The following SMCHD1 variants were observed in gnomAD, a reference collection of about 807,000 sequenced individuals.
SMCHD1 encodes structural maintenance of chromosomes flexible hinge domain-containing protein 1.
A neutral mutation model predicts 254.7 loss-of-function variants in SMCHD1; 78 were observed. The ratio of observed to expected loss-of-function variants is 0.31; its 90% confidence interval spans 0.26 to 0.37. SMCHD1 has a LOEUF of 0.37. SMCHD1 is among the 10% of genes least tolerant of loss of function. The pLI, the probability that SMCHD1 is intolerant of heterozygous loss-of-function variation, is 1.00. For missense variants in SMCHD1, 1,840 were observed against 2,408.1 expected (o/e 0.76, Z 4.94); for synonymous variants, 766 against 794.9 (o/e 0.96, Z 0.61).
At chr18:2,778,375 T>A in intron 44 of SMCHD1, 136 bp downstream of exon 44, 1 of 593,294 alleles carries the variant, frequency 1.7e-6, no homozygotes, top group Non-Finnish European at 2.8e-6. Context: ...AACATAAAAG[T>A]AGGCAAAACG....
intron 41 of SMCHD1, 38 bp downstream of exon 41, chr18:2,772,410 T>C: frequency 6.8e-7 from 1 of 1,472,472 alleles, no homozygotes; most frequent in African/African-American, 1.5e-5. Context: ...GCAGTACATT[T>C]TATTATCTTG....
intron 44 of SMCHD1, among the ~76,000 whole-genome samples, chr18:2,782,559 G>A (rs2076172235): frequency 6.6e-6 from 1 of 151,484 alleles, no homozygotes; most frequent in Non-Finnish European, 1.5e-5. Context: ...GGGCAACATA[G>A]TGAGACGCCA....
chr18:2,772,087 T>C (rs1367077954), intron 40 of SMCHD1, among the ~76,000 whole-genome samples, 163 bp from the exon 41 acceptor site: 3 of 151,988 alleles, frequency 2.0e-5, no homozygotes, highest in Non-Finnish European at 4.4e-5. Context: ...GTGTTTTCTT[T>C]GTGTGTGTGT....
Position 2,700,673 on chromosome 18 carries a change from T to A in SMCHD1, c.1463+14T>A, listed in dbSNP as rs1206403430. 13 of 1,602,176 alleles carry A rather than the reference T, an allele frequency of 8.1e-6. No individual in the cohort carries two copies. The highest frequency in any genetic ancestry group is 1.1e-5 in the Non-Finnish European group (13 of 1,175,174). On this transcript the variant is annotated intron_variant, in intron 11 of 47. Coordinates refer to ENST00000320876, the MANE Select transcript of SMCHD1 (RefSeq NM_015295.3). ...ATCAGTTGAAGAGTAAGTTTGATTT[T>A]TGCTGAAATTATGTTTTTACAACTT...
At chr18:2,729,680 C>G (rs1322334592) in intron 24 of SMCHD1, among the ~76,000 whole-genome samples, 1 of 147,642 alleles carries the variant, frequency 6.8e-6, no homozygotes, top group Non-Finnish European at 1.5e-5. Flanking sequence ...TATTTTTCTT[C>G]TATTAAAATA....
chr18:2,787,586 T>C (rs2076259455), intron 45 of SMCHD1, among the ~76,000 whole-genome samples: 1 of 152,204 alleles, frequency 6.6e-6, no homozygotes. Context: ...AGTGAATTAA[T>C]GTAAAAGGCC....
intron 30 of SMCHD1, among the ~76,000 whole-genome samples, chr18:2,748,715 T>C (rs2075516560): frequency 6.6e-6 from 1 of 152,140 alleles, no homozygotes; most frequent in African/African-American, 2.4e-5. Flanking sequence ...ATTTTTATAC[T>C]GTCTCTTCTG....
chr18:2,674,469 C>T (rs1482046628), intron 5 of SMCHD1, among the ~76,000 whole-genome samples: 2 of 152,110 alleles, frequency 1.3e-5, no homozygotes, highest in African/African-American at 2.4e-5. Flanking sequence ...CTTTAGAAAT[C>T]GCTTCATACC....
chr18:2,739,492 G>A lies in SMCHD1; in HGVS notation c.3486G>A (p.Gln1162=). 6.2e-7 allele frequency: 1 copy of A among 1,613,222 alleles called. No individual in the cohort carries two copies. Among genetic ancestry groups the A allele is most frequent in the South Asian group, 1.1e-5 (1 of 91,072 alleles). Residue 1162 remains glutamine, a synonymous_variant, in exon 27 of 48, where the codon CAG becomes CAA. Coordinates refer to ENST00000320876, the MANE Select transcript of SMCHD1 (RefSeq NM_015295.3). ...KCEMKGGKTV[Q]MGQELQGEVV... is the part of the protein sequence containing the mutation. ...AAATGAAAGGAGGAAAAACAGTACA[G>A]ATGGGCCAAGAGCTTCAAGGAGAAG...
rs541927001 is a variant in SMCHD1 at position 2,666,534 on chromosome 18, A to G, written c.262+302A>G. On this transcript the variant is annotated intron_variant, in intron 2 of 47. Transcript: ENST00000320876. ...TATTCCATTATCTTTTTTTAACCTA[A>G]TTAGTTTTCCAAGACCTGCTGGTTT... Among the ~76,000 whole-genome samples the G allele has an allele frequency of 2.6e-5, 4 of 152,278 alleles. No individual in the cohort carries two copies. The East Asian group carries it at 7.7e-4, about 29-fold the overall frequency.
At chr18:2,800,864 A>G (rs898839823) in intron 47 of SMCHD1, 1 of 152,230 alleles carries the variant, frequency 6.6e-6, no homozygotes, top group Non-Finnish European at 1.5e-5. Flanking sequence ...AACGTGAGAG[A>G]CAAAATTCAA....
At chr18:2,783,432 T>C (rs1382155975) in intron 44 of SMCHD1, among the ~76,000 whole-genome samples, 1 of 152,202 alleles carries the variant, frequency 6.6e-6, no homozygotes, top group Admixed American at 6.5e-5. Context: ...AAATATCTTA[T>C]TTGAATTCCA....
At chr18:2,704,651 A>G (rs1428387236) in intron 13 of SMCHD1, among the ~76,000 whole-genome samples, 1 of 151,468 alleles carries the variant, frequency 6.6e-6, no homozygotes, top group Non-Finnish European at 1.5e-5. Context: ...GGCTGGAAGA[A>G]CAGAGCAGAT....
In SMCHD1 at chr18:2,726,464, A is replaced by C; in HGVS notation, c.2713A>C (p.Lys905Gln). 2 of 1,507,220 alleles carry C rather than the reference A, an allele frequency of 1.3e-6. No homozygotes were observed. The highest frequency in any genetic ancestry group is 9.0e-7 in the Non-Finnish European group (1 of 1,116,960). 93.4% of individuals were successfully genotyped at this position (1,507,220 alleles called of 1,614,324 possible). ...NSCQGKNYNL[K>Q]VTLPGLKEDS... ...TTTTTTCCAACAGAATTATAATCTGAAGGTTACTCTGCCTGGCTTAAAAGA... is the reference window on the plus strand; with the variant it reads ...TTTTTTCCAACAGAATTATAATCTGCAGGTTACTCTGCCTGGCTTAAAAGA... Residue 905 changes from lysine to glutamine, a missense_variant, in exon 22 of 48, where the codon AAG (lysine) becomes CAG (glutamine). Transcript: ENST00000320876.
chr18:2,730,197 A>T (rs1195236170), intron 24 of SMCHD1, among the ~76,000 whole-genome samples: 2 of 151,672 alleles, frequency 1.3e-5, no homozygotes, highest in Non-Finnish European at 2.9e-5. Context: ...TTGAGATGGA[A>T]TCTTGCTCTG....
At chr18:2,673,417 A>G (rs1472113320) in intron 4 of SMCHD1, 54 bp downstream of exon 4, 2 of 1,230,432 alleles carry the variant, frequency 1.6e-6, no homozygotes, top group African/African-American at 1.5e-5. Context: ...AAGAGTAATA[A>G]AAGTTTATTG....
At chr18:2,754,615 T>C (rs551591609) in intron 34 of SMCHD1, among the ~76,000 whole-genome samples, 1 of 152,210 alleles carries the variant, frequency 6.6e-6, no homozygotes, top group East Asian at 1.9e-4. Flanking sequence ...AATACCAGAT[T>C]TTCAGAAGAA....
chr18:2,764,585 A>G (rs1388959328), intron 37 of SMCHD1, among the ~76,000 whole-genome samples: 2 of 152,190 alleles, frequency 1.3e-5, no homozygotes, highest in African/African-American at 4.8e-5. Flanking sequence ...TGTAGATTCA[A>G]AAATAATTAG....
intron 5 of SMCHD1, among the ~76,000 whole-genome samples, chr18:2,680,651 G>A (rs8084481): frequency 6.6e-6 from 1 of 151,990 alleles, no homozygotes; most frequent in East Asian, 1.9e-4. Context: ...GTTTAGTTCT[G>A]CACGTGGAAA....
Sources: allele counts gnomAD v4.1 joint callset (sites outside exome capture counted in the v4.1 genomes callset), GRCh38; gene constraint gnomAD v4.1.1; transcripts MANE v1.5; gene names NCBI Gene and HGNC (gene_info 2026-07-23, HGNC 2026-07-21).